KCNU1: variants seen among roughly 807,000 people sequenced by gnomAD.
KCNU1 encodes potassium calcium-activated channel subfamily U member 1, also known as potassium channel subfamily U member 1.
KCNU1 carries 93 observed loss-of-function variants against 126.8 expected under a neutral mutation model. That is an observed-to-expected ratio of 0.73 (90% CI 0.62 to 0.87). KCNU1 has a LOEUF of 0.87. Ranked by LOEUF, KCNU1 falls within the 40% of genes least tolerant of loss-of-function variation. The pLI, the probability that KCNU1 is intolerant of heterozygous loss-of-function variation, is 0.00. For missense variants in KCNU1, 1,330 were observed against 1,367.1 expected, an observed-to-expected ratio of 0.97 and a Z score of 0.43; for synonymous variants, 523 against 494.2, an observed-to-expected ratio of 1.06 and a Z score of -0.77.
intron 19 of KCNU1, among the ~76,000 whole-genome samples, chr8:36,898,467 C>T (rs1237082129): frequency 2.0e-5 from 3 of 151,868 alleles, no homozygotes; most frequent in East Asian, 1.9e-4. Context: ...CTGACCTGAA[C>T]TCAATCCCAT....
rs755977340 is a variant in KCNU1 at position 36,815,472 on chromosome 8, C to T, written c.904-124C>T. On this transcript the variant is annotated intron_variant, in intron 8 of 26. Transcript: ENST00000399881. ...AGAAAAACGAGGTCCCTTTAACATG[C>T]TATCATGTGCTCTTAGATGACAGAA... The T allele has an allele frequency of 1.2e-3, 607 of 523,538 alleles. 1 individual carries two copies. Among genetic ancestry groups the T allele is most frequent in the Non-Finnish European group, 1.0e-3 (293 of 292,974 alleles). The allele number at this position is 523,538 out of a possible 1,614,324, so 32.4% of individuals were successfully genotyped here. A position where few individuals can be genotyped will look rare whatever the true frequency, so the allele number is the denominator to read the frequency against.
At chr8:36,842,158 A>C (rs781378075) in intron 16 of KCNU1, among the ~76,000 whole-genome samples, 1 of 152,188 alleles carries the variant, frequency 6.6e-6, no homozygotes, top group Non-Finnish European at 1.5e-5. Flanking sequence ...TCATTTGTAG[A>C]ATGAGGAAAT....
chr8:36,845,965 G>GGA, intron 18 of KCNU1, 66 bp downstream of exon 18: 1 of 949,658 alleles, frequency 1.1e-6, no homozygotes, highest in Non-Finnish European at 1.6e-6. Flanking sequence ...CGAAAGAGAA[G>GGA]AGGGTTCCAT....
rs182177381 is a variant in KCNU1 at position 36,915,013 on chromosome 8, A to C, written c.2522-3810A>C. Among the ~76,000 whole-genome samples the C allele has an allele frequency of 3.9e-4, 59 of 152,336 alleles. No individual in the cohort carries two copies. In the East Asian group the frequency reaches 8.7e-3, roughly 22 times the overall value. ...ATTGCTCGAAAAGGAGATGGAGTTA[A>C]GGTGGAAATTCAGATGCTGTCCTTC... On this transcript the variant is annotated intron_variant, in intron 22 of 26. Coordinates refer to ENST00000399881, the MANE Select transcript of KCNU1 (RefSeq NM_001031836.3).
chr8:36,879,209 G>GTATATATATATATATATATATATA (rs1429299814), intron 19 of KCNU1, among the ~76,000 whole-genome samples: 5 of 86,684 alleles, frequency 5.8e-5, no homozygotes, highest in Non-Finnish European at 1.1e-4. Context: ...GTGTGTGTGT[G>GTATATATATATATATATATATATA]TGTATATATA....
At chr8:36,933,078 A>G (rs1808751248) in intron 26 of KCNU1, 46 bp downstream of exon 26, 2 of 1,159,046 alleles carry the variant, frequency 1.7e-6, no homozygotes, top group South Asian at 2.6e-5. Flanking sequence ...TTCAAGCATA[A>G]GAACCAAAGC....
intron 11 of KCNU1, 55 bp from the exon 12 acceptor site, chr8:36,834,731 C>A: frequency 8.8e-7 from 1 of 1,137,718 alleles, no homozygotes; most frequent in South Asian, 1.4e-5. Context: ...AGGGGAAGAC[C>A]AGAGCATTTC....
intron 6 of KCNU1, among the ~76,000 whole-genome samples, chr8:36,807,869 A>C (rs1485350598): frequency 6.6e-6 from 1 of 152,224 alleles, no homozygotes; most frequent in Non-Finnish European, 1.5e-5. Flanking sequence ...TCCTCGAAGC[A>C]TACATTACCC....
At chr8:36,903,022 T>C (rs756412883) in intron 19 of KCNU1, among the ~76,000 whole-genome samples, 24 of 152,146 alleles carry the variant, frequency 1.6e-4, no homozygotes, top group Non-Finnish European at 3.2e-4. Flanking sequence ...AGTTCTTAAG[T>C]GCAAGAGGAG....
intron 22 of KCNU1, among the ~76,000 whole-genome samples, chr8:36,912,104 G>T (rs762634904): frequency 6.6e-6 from 1 of 152,138 alleles, no homozygotes; most frequent in African/African-American, 2.4e-5. Context: ...TCAAGATCAG[G>T]TACTCAATCC....
At chr8:36,790,651 C>T (rs138519517) in intron 2 of KCNU1, among the ~76,000 whole-genome samples, 1 of 151,692 alleles carries the variant, frequency 6.6e-6, no homozygotes, top group African/African-American at 2.4e-5. Context: ...TTAAACAGAC[C>T]AAATATCTGG....
intron 19 of KCNU1, among the ~76,000 whole-genome samples, chr8:36,879,524 TG>T (rs1806399174): frequency 6.6e-6 from 1 of 152,058 alleles, no homozygotes; most frequent in African/African-American, 2.4e-5. Context: ...TGTGCTTTCA[TG>T]AATTTATTAA....
At chr8:36,790,237 A>G (rs1305933155) in intron 2 of KCNU1, among the ~76,000 whole-genome samples, 1 of 152,232 alleles carries the variant, frequency 6.6e-6, no homozygotes, top group Non-Finnish European at 1.5e-5. Context: ...AAGATATAAC[A>G]TCATTAACAT....
intron 25 of KCNU1, among the ~76,000 whole-genome samples, chr8:36,931,475 T>C (rs1225048534): frequency 1.3e-5 from 2 of 152,152 alleles, no homozygotes; most frequent in East Asian, 3.9e-4. Context: ...TCATAATAAT[T>C]ATAACAGCTA....
chr8:36,935,833 T>G lies in KCNU1; in HGVS notation c.3363T>G (p.Pro1121=). Residue 1121 remains proline (P), a synonymous_variant, in exon 27 of 27, where the codon CCT becomes CCG. Coordinates refer to ENST00000399881, the MANE Select transcript of KCNU1 (RefSeq NM_001031836.3). ...ACAGTATTATATCATCTCAGATACC[T>G]TTAGGTGACAATGCAAAAGAAAATG... is the stretch of plus-strand genomic sequence containing the variant. ...RTNSIISSQI[P]LGDNAKENER... 6.2e-7 allele frequency: 1 copy of G among 1,612,142 alleles called. No homozygotes were observed.
chr8:36,880,224 C>T (rs958788671), intron 19 of KCNU1, among the ~76,000 whole-genome samples: 4 of 152,128 alleles, frequency 2.6e-5, no homozygotes, highest in African/African-American at 4.8e-5. Context: ...TTCATTTACT[C>T]GGATTGGCAG....
chr8:36,935,648 A>G lies in KCNU1; in HGVS notation c.3178A>G (p.Asn1060Asp), dbSNP rs748655521. ...ATTGCAAAAGTCATATGAAATTGTA[A>G]ATAAAGCATCACAGACAACAGAGAC... is the stretch of plus-strand genomic sequence containing the variant. ...FSLQKSYEIV[N>D]KASQTTETHS... is the part of the protein sequence containing the mutation. Residue 1060 changes from asparagine to aspartate, a missense_variant, in exon 27 of 27, where the codon AAT becomes GAT. Asn to Asp is a conservative substitution (Grantham distance 23). This residue lies in a region of KCNU1 where 1,054 missense variants were observed against 1,053.9 expected (regional missense o/e 1.00). Coordinates refer to ENST00000399881, the MANE Select transcript of KCNU1 (RefSeq NM_001031836.3). The G allele has an allele frequency of 2.1e-5, 34 of 1,613,536 alleles. No individual in the cohort carries two copies. In the East Asian group the frequency reaches 7.6e-4, roughly 36 times the overall value.
intron 6 of KCNU1, 103 bp from the exon 7 acceptor site, chr8:36,808,615 G>T: frequency 1.4e-6 from 1 of 723,384 alleles, no homozygotes. Context: ...CGTTCCTTCT[G>T]GTCCATGAGC....
chr8:36,850,546 T>A (rs1805305394), intron 18 of KCNU1, among the ~76,000 whole-genome samples: 5 of 151,766 alleles, frequency 3.3e-5, no homozygotes, highest in Middle Eastern at 3.4e-3. Context: ...AGCCTTGACC[T>A]CCTGGGTTCA....
Sources: gnomAD v4.1 joint callset for allele counts (sites outside exome capture counted in the v4.1 genomes callset) on GRCh38, gnomAD v4.1.1 for gene constraint, gnomAD v4.1.1 regional missense constraint, MANE v1.5 for transcripts, NCBI Gene and HGNC (gene_info 2026-07-23, HGNC 2026-07-21) for gene names.